The following SLC25A48 variants were observed in gnomAD, a reference collection of about 807,000 sequenced individuals.
SLC25A48 encodes the protein solute carrier family 25 member 48.
In SLC25A48, 29 loss-of-function variants were observed where a neutral mutation model predicts 32.2. That is an observed-to-expected ratio of 0.90 (90% confidence interval 0.67 to 1.23). The LOEUF is 1.23. Ranked by LOEUF, SLC25A48 falls within the 50% of genes most tolerant of loss-of-function variation. The probability of loss-of-function intolerance (pLI) is 0.00; values close to 1 mark genes in which losing one functional copy is unlikely to be tolerated. For missense variants in SLC25A48, 399 were observed against 422.7 expected (o/e 0.94, Z 0.49); for synonymous variants, 164 against 172.3 (o/e 0.95, Z 0.38).
At chr5:135,749,886 C>T (rs773526971) in intron 3 of SLC25A48, among the ~76,000 whole-genome samples, 18 of 152,062 alleles carry the variant, frequency 1.2e-4, no homozygotes, top group East Asian at 9.7e-4. Flanking sequence ...GCCACCTCGC[C>T]GGCCAGGACC....
chr5:135,673,671 A>G (rs1472109994), intron 3 of SLC25A48, among the ~76,000 whole-genome samples: 2 of 152,024 alleles, frequency 1.3e-5, no homozygotes, highest in African/African-American at 4.8e-5. Context: ...ATGCCTTTAT[A>G]TTTCCACAGG....
chr5:135,602,840 A>G (rs1228166187), intron 1 of SLC25A48, among the ~76,000 whole-genome samples: 1 of 151,456 alleles, frequency 6.6e-6, no homozygotes, highest in Admixed American at 6.6e-5. Flanking sequence ...TTCAATTCCC[A>G]CCTATGAGTG....
At chr5:135,870,765 T>C (rs1045899196) in intron 4 of SLC25A48, among the ~76,000 whole-genome samples, 4 of 152,090 alleles carry the variant, frequency 2.6e-5, no homozygotes, top group Non-Finnish European at 5.9e-5. Context: ...ACACTGTACA[T>C]GTATTACCTT....
At chr5:135,823,858 T>C (rs564728529) in intron 4 of SLC25A48, among the ~76,000 whole-genome samples, 3 of 152,202 alleles carry the variant, frequency 2.0e-5, no homozygotes, top group African/African-American at 7.2e-5. Context: ...AGAGCCCCTG[T>C]GGCAGGAGGA....
chr5:135,766,357 G>T (rs199806613), intron 3 of SLC25A48, among the ~76,000 whole-genome samples: 1 of 73,872 alleles, frequency 1.4e-5, no homozygotes, highest in South Asian at 4.1e-4. Context: ...AATATCAAGG[G>T]GGGGGGAAGA....
intron 3 of SLC25A48, among the ~76,000 whole-genome samples, chr5:135,739,069 G>A (rs1485358282): frequency 1.3e-5 from 2 of 152,014 alleles, no homozygotes; most frequent in East Asian, 1.9e-4. Context: ...GCAACACAGC[G>A]ATACTCCATC....
At chr5:135,690,223 C>A (rs1754113872) in intron 3 of SLC25A48, among the ~76,000 whole-genome samples, 1 of 152,084 alleles carries the variant, frequency 6.6e-6, no homozygotes, top group African/African-American at 2.4e-5. Context: ...TCTTCAAGTT[C>A]ATGTATGGGA....
intron 3 of SLC25A48, among the ~76,000 whole-genome samples, chr5:135,685,693 G>T (rs1256699395): frequency 6.6e-6 from 1 of 152,138 alleles, no homozygotes; most frequent in Non-Finnish European, 1.5e-5. Flanking sequence ...CAAAGTGCTG[G>T]GATTACAGGC....
At chr5:135,603,725 C>T (rs550280389) in intron 1 of SLC25A48, among the ~76,000 whole-genome samples, 14 of 152,354 alleles carry the variant, frequency 9.2e-5, no homozygotes, top group African/African-American at 3.4e-4. Flanking sequence ...GCTCCCCAGA[C>T]TTATTTGTTG....
At chr5:135,818,053 TCCTCTCTCTCTCTCTC>T (rs1561507291) in intron 4 of SLC25A48, among the ~76,000 whole-genome samples, 8 of 46,584 alleles carry the variant, frequency 1.7e-4, no homozygotes, top group African/African-American at 8.3e-4. Flanking sequence ...TTCTCTCTGT[TCCTCTCTCTCTCTCTC>T]TCTCTCTCTC....
intron 3 of SLC25A48, among the ~76,000 whole-genome samples, chr5:135,764,544 G>T (rs1271271260): frequency 1.3e-5 from 2 of 151,616 alleles, no homozygotes; most frequent in African/African-American, 2.4e-5. Context: ...GTGTGATATT[G>T]TTCGTAATAT....
chr5:135,740,099 T>C (rs1755465495), intron 3 of SLC25A48, among the ~76,000 whole-genome samples: 1 of 152,152 alleles, frequency 6.6e-6, no homozygotes, highest in Admixed American at 6.5e-5. Context: ...CAGGTCAATA[T>C]AAATTTGACC....
At chr5:135,661,620 C>G (rs1287149063) in intron 3 of SLC25A48, among the ~76,000 whole-genome samples, 4 of 152,202 alleles carry the variant, frequency 2.6e-5, no homozygotes, top group African/African-American at 9.7e-5. Context: ...CTCCCCGGTC[C>G]TTTTCTCAAG....
chr5:135,815,362 C>A (rs1757689370), intron 4 of SLC25A48, among the ~76,000 whole-genome samples: 1 of 152,206 alleles, frequency 6.6e-6, no homozygotes, highest in Non-Finnish European at 1.5e-5. Context: ...CCCCACTGAT[C>A]TGACGGGAGG....
chr5:135,683,921 G>A (rs902153843), intron 3 of SLC25A48, among the ~76,000 whole-genome samples: 17 of 152,094 alleles, frequency 1.1e-4, no homozygotes, highest in African/African-American at 4.1e-4. Flanking sequence ...GTGTCAGCAG[G>A]CCATGTGGTA....
At chr5:135,597,305 G>A (rs1751678028) in intron 1 of SLC25A48, among the ~76,000 whole-genome samples, 1 of 152,172 alleles carries the variant, frequency 6.6e-6, no homozygotes, top group Non-Finnish European at 1.5e-5. Context: ...CAAAATCATG[G>A]GAAGGGCTGA....
rs1752945025 is a variant in SLC25A48, at chr5:135,645,810, T to G, written c.-521+10854T>G. Among the ~76,000 whole-genome samples the G allele has an allele frequency of 2.0e-5, 3 of 152,214 alleles. No homozygotes were observed. In the South Asian group the frequency reaches 6.2e-4, roughly 32 times the overall value. On this transcript the variant is annotated intron_variant, in intron 3 of 10. Coordinates refer to the SLC25A48 transcript ENST00000646290. ...AGAAAACTCAGAGACTTTAATCTGC[T>G]CTCTGCCTGTGTAGGCTCATGTGCT...
chr5:135,645,032 A>G (rs944616070), intron 3 of SLC25A48, among the ~76,000 whole-genome samples: 6 of 152,186 alleles, frequency 3.9e-5, no homozygotes, highest in African/African-American at 1.4e-4. Flanking sequence ...TCCCCATTCT[A>G]AAACAGCCAA....
At chr5:135,736,685 C>T (rs984587285) in intron 3 of SLC25A48, among the ~76,000 whole-genome samples, 6 of 152,080 alleles carry the variant, frequency 3.9e-5, no homozygotes, top group African/African-American at 1.4e-4. Context: ...GATCAGACAC[C>T]TCTGAAACAT....
Sources: gnomAD v4.1 joint callset for allele counts (sites outside exome capture counted in the v4.1 genomes callset) on GRCh38, gnomAD v4.1.1 for gene constraint, MANE v1.5 for transcripts, NCBI Gene and HGNC (gene_info 2026-07-23, HGNC 2026-07-21) for gene names.